XKR9: variants seen among roughly 807,000 people sequenced by gnomAD.
XKR9 encodes XK related 9.
A neutral mutation model predicts 32.0 loss-of-function variants in XKR9; 32 were observed. The observed-to-expected ratio is 1.00, with a 90% confidence interval of 0.76 to 1.34. The LOEUF is 1.34. XKR9 is among the 40% of genes most tolerant of loss of function. The probability of loss-of-function intolerance (pLI) is 0.00; values close to 1 mark genes in which losing one functional copy is unlikely to be tolerated. For synonymous variants in XKR9, 168 were observed against 143.4 expected (o/e 1.17, Z -1.22); for missense variants, 546 against 429.7 (o/e 1.27, Z -2.39).
the XKR9 span, among the ~76,000 whole-genome samples, chr8:70,961,626 A>G: frequency 1.3e-5 from 2 of 152,224 alleles, no homozygotes; most frequent in African/African-American, 2.4e-5. Context: ...CTTTAAACAT[A>G]TAATCATTGT....
At chr8:70,979,304 G>C in the XKR9 span, among the ~76,000 whole-genome samples, 1 of 152,216 alleles carries the variant, frequency 6.6e-6, no homozygotes. Context: ...CAATCCTTTG[G>C]AGGAGAAGGG....
At chr8:70,723,001 A>C (rs1004321001) in intron 4 of XKR9, among the ~76,000 whole-genome samples, 1 of 150,914 alleles carries the variant, frequency 6.6e-6, no homozygotes, top group Admixed American at 6.6e-5. Flanking sequence ...ATTCCTTTTC[A>C]TTTTGTTTTC....
chr8:71,058,292 T>G, the XKR9 span, among the ~76,000 whole-genome samples: 12 of 152,152 alleles, frequency 7.9e-5, no homozygotes, highest in Non-Finnish European at 1.2e-4. Flanking sequence ...ACAAGCAAGA[T>G]TAGAGTGTTG....
In XKR9 at chr8:70,733,851, A is replaced by C. The variant is rs138399526; in HGVS notation, c.549A>C (p.Gln183His). The part of the protein sequence containing the change: ...CAISWSTVDY[Q>H]VALRKSLPDK... ...TTTCTTGGTCAACTGTTGATTATCA[A>C]GTAGCTTTAAGAAAATCCTTGCCTG... The change falls in exon 5 of 5, where the codon CAA (glutamine) becomes CAC (histidine). Residue 183 changes from glutamine to histidine, a missense_variant. Physicochemically the swap from Gln to His is conservative, Grantham distance 24 (BLOSUM62 0). Coordinates refer to ENST00000408926, the MANE Select transcript of XKR9 (RefSeq NM_001011720.2). The C allele has an allele frequency of 3.9e-5, 62 of 1,605,796 alleles. No homozygotes were observed. Among genetic ancestry groups the C allele is most frequent in the Non-Finnish European group, 5.2e-5 (61 of 1,177,804 alleles).
chr8:70,929,256 G>C, the XKR9 span, among the ~76,000 whole-genome samples: 2 of 152,070 alleles, frequency 1.3e-5, no homozygotes, highest in African/African-American at 4.8e-5. Context: ...AGGGGCTATC[G>C]AGCACTTGAA....
chr8:70,675,623 T>C (rs1818859054), intron 2 of XKR9, among the ~76,000 whole-genome samples: 1 of 152,222 alleles, frequency 6.6e-6, no homozygotes, highest in Non-Finnish European at 1.5e-5. Context: ...AGAAATTTCT[T>C]CTGCCAGGTA....
the XKR9 span, among the ~76,000 whole-genome samples, chr8:71,005,836 A>G: frequency 6.1e-4 from 93 of 152,324 alleles, no homozygotes; most frequent in South Asian, 0.018. Flanking sequence ...TCCTCCTTAC[A>G]GCTGCTGAGG....
At chr8:70,918,065 G>A in the XKR9 span, among the ~76,000 whole-genome samples, 46 of 152,338 alleles carry the variant, frequency 3.0e-4, no homozygotes, top group South Asian at 2.1e-3. Context: ...TGTGGAAAGC[G>A]TTGAGGGACA....
At chr8:70,960,222 G>T in the XKR9 span, among the ~76,000 whole-genome samples, 1 of 149,978 alleles carries the variant, frequency 6.7e-6, no homozygotes, top group African/African-American at 2.4e-5. Flanking sequence ...TTCAGCCTGG[G>T]CAAAAAGAGC....
the XKR9 span, among the ~76,000 whole-genome samples, chr8:70,989,717 A>T: frequency 6.6e-6 from 1 of 152,220 alleles, no homozygotes; most frequent in African/African-American, 2.4e-5. Flanking sequence ...AACTGTTTTT[A>T]AGTTGACAAT....
chr8:70,770,613 A>G (rs1807441124), intron 2 of XKR9, among the ~76,000 whole-genome samples: 1 of 152,208 alleles, frequency 6.6e-6, no homozygotes, highest in African/African-American at 2.4e-5. Context: ...GGCCCTGCCC[A>G]GAGAGGAGGA....
chr8:70,761,587 G>C, intron 2 of XKR9, among the ~76,000 whole-genome samples: 1 of 151,972 alleles, frequency 6.6e-6, no homozygotes, highest in South Asian at 2.1e-4. Flanking sequence ...CCTTATAGAT[G>C]CTGGATATTA....
At chr8:70,795,963 G>T in the XKR9 span, among the ~76,000 whole-genome samples, 1 of 151,906 alleles carries the variant, frequency 6.6e-6, no homozygotes, top group Non-Finnish European at 1.5e-5. Flanking sequence ...GAAGTTATCA[G>T]TTAAGTCATT....
chr8:71,063,904 C>T, the XKR9 span, among the ~76,000 whole-genome samples: 1 of 152,164 alleles, frequency 6.6e-6, no homozygotes, highest in Non-Finnish European at 1.5e-5. Context: ...ACTCACCTAA[C>T]AGCAGTTATG....
chr8:70,682,106 G>A (rs1205041832), intron 3 of XKR9, among the ~76,000 whole-genome samples: 4 of 152,124 alleles, frequency 2.6e-5, no homozygotes, highest in Admixed American at 2.0e-4. Flanking sequence ...GAAACAGAAT[G>A]TGCAGTGAGA....
chr8:70,983,736 G>A, the XKR9 span, among the ~76,000 whole-genome samples: 7 of 151,800 alleles, frequency 4.6e-5, no homozygotes, highest in African/African-American at 1.2e-4. Flanking sequence ...AGCCAAGATC[G>A]CACCATCGCA....
chr8:70,847,106 C>G, the XKR9 span, among the ~76,000 whole-genome samples: 1 of 151,796 alleles, frequency 6.6e-6, no homozygotes, highest in Non-Finnish European at 1.5e-5. Context: ...AAAGAAGTCT[C>G]AAAAATTTTT....
intron 2 of XKR9, among the ~76,000 whole-genome samples, chr8:70,778,212 C>T (rs1280639447): frequency 6.6e-6 from 1 of 152,232 alleles, no homozygotes; most frequent in East Asian, 1.9e-4. Context: ...GAATCCTTTC[C>T]CCATTTCTTG....
chr8:70,724,944 T>C (rs996566448), intron 4 of XKR9, among the ~76,000 whole-genome samples: 2 of 152,194 alleles, frequency 1.3e-5, no homozygotes, highest in African/African-American at 4.8e-5. Context: ...TTGGGTAATT[T>C]ATAAAGAAGT....
Sources: allele counts gnomAD v4.1 joint callset (sites outside exome capture counted in the v4.1 genomes callset), GRCh38; gene constraint gnomAD v4.1.1; transcripts MANE v1.5; gene names NCBI Gene and HGNC (gene_info 2026-07-23, HGNC 2026-07-21).